CNGB3: variants seen among roughly 807,000 people sequenced by gnomAD.
The protein encoded by CNGB3 is cyclic nucleotide gated channel subunit beta 3, also known as cyclic nucleotide-gated channel beta-3.
In CNGB3, 86 loss-of-function variants were observed where a neutral mutation model predicts 92.8. The ratio of observed to expected loss-of-function variants is 0.93; its 90% confidence interval spans 0.78 to 1.11. The LOEUF (loss-of-function observed/expected upper bound fraction) is 1.11, where lower values mean the gene tolerates loss of function less well. Ranked by LOEUF, CNGB3 falls within the 50% of genes least tolerant of loss-of-function variation. The pLI is 0.00. For synonymous variants in CNGB3, 333 were observed against 332.7 expected (o/e 1.00, Z -0.01); for missense variants, 1,026 against 956.8 (o/e 1.07, Z -0.95).
intron 13 of CNGB3, among the ~76,000 whole-genome samples, chr8:86,617,277 T>A (rs1229718174): frequency 1.3e-5 from 2 of 152,332 alleles, no homozygotes; most frequent in East Asian, 3.9e-4. Context: ...TCTCCATTTC[T>A]AGGCTCATTT....
In CNGB3 at chr8:86,673,632, G is replaced by A. The variant is rs151330096; in HGVS notation, c.339-2534C>T. ...AACTTTGGAAAATTAGCAATAGTGA[G>A]AGGATAGGCTAATGAGCTGTACTGG... is the stretch of plus-strand genomic sequence containing the variant. On this transcript the variant is annotated intron_variant, in intron 3 of 17. Transcript: ENST00000320005. Among the ~76,000 whole-genome samples the A allele has an allele frequency of 1.1e-3, 162 of 152,336 alleles. 1 individual carries two copies. Among genetic ancestry groups the A allele is most frequent in the African/African-American group, 3.4e-3 (143 of 41,578 alleles).
chr8:86,668,256 T>C (rs1191215373), intron 4 of CNGB3, 88 bp from the exon 5 acceptor site: 2 of 1,353,998 alleles, frequency 1.5e-6, no homozygotes, highest in East Asian at 2.4e-5. Context: ...AAACACCGCA[T>C]GTTCTCACTC....
chr8:86,647,797 T>A lies in CNGB3; in HGVS notation c.990+4A>T. The A allele has an allele frequency of 7.1e-7, 1 of 1,402,164 alleles. No individual in the cohort carries two copies. Among genetic ancestry groups the A allele is most frequent in the Non-Finnish European group, 1.0e-6 (1 of 988,196 alleles). 86.9% of individuals were successfully genotyped at this position (1,402,164 alleles called of 1,614,324 possible). A position where few individuals can be genotyped will look rare whatever the true frequency, so the allele number is the denominator to read the frequency against. On this transcript the variant is annotated splice_donor_region_variant and intron_variant, in intron 8 of 17. Coordinates refer to ENST00000320005, the MANE Select transcript of CNGB3 (RefSeq NM_019098.5). ...GAAAAGACAATTAAATATAGTTATC[T>A]TACCTTTAACATCCTATTTGCTCTA... is the stretch of plus-strand genomic sequence containing the variant.
chr8:86,615,806 G>T (rs59477504), intron 13 of CNGB3, among the ~76,000 whole-genome samples: 1 of 151,850 alleles, frequency 6.6e-6, no homozygotes, highest in African/African-American at 2.4e-5. Flanking sequence ...GAGGAGTGGC[G>T]GGATATCCTC....
At chr8:86,656,582 A>G (rs1391314684) in intron 6 of CNGB3, among the ~76,000 whole-genome samples, 1 of 152,148 alleles carries the variant, frequency 6.6e-6, no homozygotes, top group Non-Finnish European at 1.5e-5. Context: ...TGATTATACC[A>G]GTGACATTTC....
At chr8:86,694,300 C>T (rs1824395326) in intron 3 of CNGB3, among the ~76,000 whole-genome samples, 2 of 145,684 alleles carry the variant, frequency 1.4e-5, no homozygotes, top group South Asian at 2.2e-4. Flanking sequence ...TAGGGGCGGC[C>T]GGGCTGAGGC....
intron 3 of CNGB3, among the ~76,000 whole-genome samples, chr8:86,709,941 G>A (rs915357558): frequency 6.6e-6 from 1 of 152,144 alleles, no homozygotes. Context: ...TATTCACAAT[G>A]TGATTGCCTT....
At chr8:86,636,739 C>T (rs1823079374) in intron 10 of CNGB3, among the ~76,000 whole-genome samples, 2 of 152,034 alleles carry the variant, frequency 1.3e-5, no homozygotes, top group Admixed American at 1.3e-4. Flanking sequence ...ACTTACACTT[C>T]CCCATTATCC....
At chr8:86,699,270 T>C (rs1229522424) in intron 3 of CNGB3, among the ~76,000 whole-genome samples, 1 of 152,056 alleles carries the variant, frequency 6.6e-6, no homozygotes, top group Non-Finnish European at 1.5e-5. Context: ...TCTTCTTCAT[T>C]ATAATCTTAT....
intron 7 of CNGB3, among the ~76,000 whole-genome samples, chr8:86,653,188 G>A (rs996393950): frequency 6.6e-6 from 1 of 151,918 alleles, no homozygotes; most frequent in Non-Finnish European, 1.5e-5. Flanking sequence ...TTCAAACTCA[G>A]GAAAGTAAGA....
At position 86,684,852 on chromosome 8, in the gene CNGB3, A is replaced by G. The variant is rs569712986; in HGVS notation, c.339-13754T>C. Among the ~76,000 whole-genome samples, 11 of 152,276 alleles carry G rather than the reference A, an allele frequency of 7.2e-5. No homozygotes were observed. The South Asian group carries it at 2.3e-3, about 32-fold the overall frequency. On this transcript the variant is annotated intron_variant, in intron 3 of 17. Transcript: ENST00000320005. ...GATCAGGTTTTGGTGTGGTTATAAC[A>G]GTGCAACATGAGGGATCTTTGCAGC... is the stretch of plus-strand genomic sequence containing the variant.
At chr8:86,670,324 T>G (rs1159580407) in intron 4 of CNGB3, among the ~76,000 whole-genome samples, 1 of 152,138 alleles carries the variant, frequency 6.6e-6, no homozygotes, top group Non-Finnish European at 1.5e-5. Flanking sequence ...ACAATAAAAT[T>G]TGTTATAGAA....
Position 86,625,611 on chromosome 8 carries a change from G to A in CNGB3, c.1578+372C>T, listed in dbSNP as rs536299439. ...TTAGGTATAATTCTCTGATTGTCAG[G>A]CCATTACAGAGCTATTCTGGAGCCT... On this transcript the variant is annotated intron_variant, in intron 13 of 17. Coordinates refer to ENST00000320005, the MANE Select transcript of CNGB3 (RefSeq NM_019098.5). Among the ~76,000 whole-genome samples the A allele has an allele frequency of 2.6e-5, 4 of 152,118 alleles. No homozygotes were observed. The South Asian group carries it at 8.3e-4, about 32-fold the overall frequency.
At chr8:86,732,833 CAT>C (rs1334768366) in intron 2 of CNGB3, among the ~76,000 whole-genome samples, 1 of 152,150 alleles carries the variant, frequency 6.6e-6, no homozygotes, top group Non-Finnish European at 1.5e-5. Context: ...TTGTTGGCTA[CAT>C]AAGACTATTT....
At chr8:86,628,896 A>C in intron 12 of CNGB3, 23 bp downstream of exon 12, 1 of 1,612,676 alleles carries the variant, frequency 6.2e-7, no homozygotes, top group Non-Finnish European at 8.5e-7. Flanking sequence ...ACAGGAATTT[A>C]ATCGGTAATC....
At chr8:86,711,431 T>C (rs912799943) in intron 3 of CNGB3, among the ~76,000 whole-genome samples, 6 of 152,176 alleles carry the variant, frequency 3.9e-5, no homozygotes, top group African/African-American at 1.4e-4. Context: ...AAAGTCTTCA[T>C]TTAAGTACCA....
intron 1 of CNGB3, among the ~76,000 whole-genome samples, chr8:86,741,558 C>T (rs1426926534): frequency 6.6e-6 from 1 of 151,822 alleles, no homozygotes; most frequent in Non-Finnish European, 1.5e-5. Context: ...CCCAGCTACT[C>T]GGGAGGCTGA....
At position 86,643,820 on chromosome 8, in the gene CNGB3, A is replaced by G; in HGVS notation, c.1109T>C (p.Val370Ala). 1 of 1,607,364 alleles carries G rather than the reference A, an allele frequency of 6.2e-7. No individual in the cohort carries two copies. Among genetic ancestry groups the G allele is most frequent in the East Asian group, 2.2e-5 (1 of 44,738 alleles). ...LLFILHINAC[V>A]YYWASNYEGI... ...TTCATAGTTTGAAGCCCAGTAATAA[A>G]CACAGGCATTAATGTGCAGAATAAA... Residue 370 changes from valine to alanine, a missense_variant, in exon 10 of 18, where the codon GTT (valine) becomes GCT (alanine). Physicochemically the swap from Val to Ala is moderately conservative, Grantham distance 64. Transcript: ENST00000320005.
intron 13 of CNGB3, among the ~76,000 whole-genome samples, chr8:86,624,049 C>T (rs974079630): frequency 2.6e-5 from 4 of 152,300 alleles, no homozygotes; most frequent in African/African-American, 7.2e-5. Context: ...CAGGAAAGAT[C>T]CTGTTCAAAC....
Sources: allele counts gnomAD v4.1 joint callset (sites outside exome capture counted in the v4.1 genomes callset), GRCh38; gene constraint gnomAD v4.1.1; transcripts MANE v1.5; gene names NCBI Gene and HGNC (gene_info 2026-07-23, HGNC 2026-07-21).